NACC1: variants seen among roughly 807,000 people sequenced by gnomAD.
NACC1 encodes nucleus accumbens-associated protein 1.
Under a neutral mutation model 41.7 loss-of-function variants are expected in NACC1, and 6 were observed. The ratio of observed to expected loss-of-function variants is 0.14; its 90% CI spans 0.08 to 0.28. The LOEUF (loss-of-function observed/expected upper bound fraction) is 0.28. Ranked by LOEUF, NACC1 falls within the 10% of genes least tolerant of loss-of-function variation. The probability of loss-of-function intolerance (pLI) is 1.00; values close to 1 mark genes in which losing one functional copy is unlikely to be tolerated. For missense variants in NACC1, 434 were observed against 763.7 expected, an observed-to-expected ratio of 0.57 and a Z score of 5.09; for synonymous variants, 338 against 330.6, an observed-to-expected ratio of 1.02 and a Z score of -0.24.
chr19:13,129,650 A>G (rs575626629), intron 1 of NACC1, among the ~76,000 whole-genome samples: 1 of 152,264 alleles, frequency 6.6e-6, no homozygotes, highest in South Asian at 2.1e-4. Flanking sequence ...CCCGTGCGCT[A>G]ATTGGCTGAG....
In NACC1 at chr19:13,140,831, C is replaced by T. The variant is rs1021267461; in HGVS notation, c.*2425C>T. ...GCCCTGAGCTGCATGGTTCCCCCAC[C>T]CTGGGCAGCCAGGAAGGAATCTGAA... is the stretch of plus-strand genomic sequence containing the variant. On this transcript the variant is annotated 3_prime_UTR_variant, in exon 6 of 6. Transcript: ENST00000292431. This position sits in a 1 kb window ranked among gnomAD's most constrained non-coding sequence, Gnocchi z 4.0. 2 of 152,720 alleles carry T rather than the reference C, an allele frequency of 1.3e-5. No individual in the cohort carries two copies. The highest frequency in any genetic ancestry group is 2.4e-5 in the African/African-American group (1 of 41,418). The allele number at this position is 152,720 out of a possible 1,614,324, so 9.5% of individuals were successfully genotyped here.
At chr19:13,119,035 T>C (rs2019453321) in intron 1 of NACC1, among the ~76,000 whole-genome samples, 1 of 132,560 alleles carries the variant, frequency 7.5e-6, no homozygotes, top group South Asian at 2.4e-4. Flanking sequence ...ATCCCAGAGA[T>C]GTTTTCCGGG....
chr19:13,138,534 C>T lies in NACC1; in HGVS notation c.*128C>T, dbSNP rs1238508967. 1.5e-6 allele frequency: 2 copies of T among 1,361,590 alleles called. No homozygotes were observed. The highest frequency in any genetic ancestry group is 2.0e-6 in the Non-Finnish European group (2 of 1,007,840). 84.3% of individuals were successfully genotyped at this position (1,361,590 alleles called of 1,614,324 possible). A position where few individuals can be genotyped will look rare whatever the true frequency, so the allele number is the denominator to read the frequency against. The stretch of plus-strand genomic sequence containing the variant: ...GTGGGTGCTGCATGTTCCCGGCCCT[C>T]TGCCCCTCCTGTCCTACCCCCTTTC... On this transcript the variant is annotated 3_prime_UTR_variant, in exon 6 of 6. Coordinates refer to ENST00000292431, the MANE Select transcript of NACC1 (RefSeq NM_052876.4). The surrounding 1 kb of genome is among the most constrained non-coding windows in gnomAD (Gnocchi z 5.7).
chr19:13,123,812 G>A (rs1266441035), intron 1 of NACC1, among the ~76,000 whole-genome samples: 1 of 152,212 alleles, frequency 6.6e-6, no homozygotes, highest in African/African-American at 2.4e-5. Context: ...TGATTCGGGA[G>A]CCAGACGGCC....
Position 13,136,722 on chromosome 19 carries a change from CAG to C in NACC1, c.1120+318_1120+319del, listed in dbSNP as rs926808627. Among the ~76,000 whole-genome samples the C allele has an allele frequency of 2.6e-5, 4 of 152,186 alleles. No homozygotes were observed. The highest frequency in any genetic ancestry group is 2.1e-4 in the South Asian group (1 of 4,836). On this transcript the variant is annotated intron_variant, in intron 3 of 5. Coordinates refer to ENST00000292431, the MANE Select transcript of NACC1 (RefSeq NM_052876.4). This position sits in a 1 kb window ranked among gnomAD's most constrained non-coding sequence, Gnocchi z 5.5. ...CCTAGGTTAGGAATTTGGACAGTCA[CAG>C]GGGCGAATGCCTGTAGTCCTAGCTA...
At chr19:13,133,227 C>T (rs1348262282) in intron 1 of NACC1, among the ~76,000 whole-genome samples, 2 of 152,122 alleles carry the variant, frequency 1.3e-5, no homozygotes, top group South Asian at 4.1e-4. Context: ...AGCCTTCTCA[C>T]TCGCACTCTG....
chr19:13,132,458 C>T (rs1319059934), intron 1 of NACC1: 1 of 151,966 alleles, frequency 6.6e-6, no homozygotes, highest in East Asian at 1.9e-4. Flanking sequence ...TTGAGTCATC[C>T]CGCCCTTCAG....
rs2019717565 is a variant in NACC1, at chr19:13,137,134, A to G, written c.1121-137A>G. On this transcript the variant is annotated intron_variant, in intron 3 of 5. Coordinates refer to ENST00000292431, the MANE Select transcript of NACC1 (RefSeq NM_052876.4). This position sits in a 1 kb window ranked among gnomAD's most constrained non-coding sequence, Gnocchi z 6.1. ...CTTGGTGGGTAGAGATGTAGGGGAGAAGGTCCCTGGGTGAGTTTTCTTGGG... is the reference window on the plus strand; with the variant it reads ...CTTGGTGGGTAGAGATGTAGGGGAGGAGGTCCCTGGGTGAGTTTTCTTGGG... 7 of 748,988 alleles carry G rather than the reference A, an allele frequency of 9.3e-6. No individual in the cohort carries two copies. Among genetic ancestry groups the G allele is most frequent in the Non-Finnish European group, 1.6e-5 (7 of 445,748 alleles). 46.4% of individuals were successfully genotyped at this position (748,988 alleles called of 1,614,324 possible). A position where few individuals can be genotyped will look rare whatever the true frequency, so the allele number is the denominator to read the frequency against.
rs375364063 is a variant in NACC1, at chr19:13,137,102, G to C, written c.1121-169G>C. Among the ~76,000 whole-genome samples, 25 of 152,328 alleles carry C rather than the reference G, an allele frequency of 1.6e-4. 1 individual carries two copies. In the East Asian group the frequency reaches 4.1e-3, roughly 25 times the overall value. ...GGGGGAGCCCCAAGGAGCCTCCCCTGACTGCCCTTGGTGGGTAGAGATGTA... is the reference window on the plus strand; with the variant it reads ...GGGGGAGCCCCAAGGAGCCTCCCCTCACTGCCCTTGGTGGGTAGAGATGTA... On this transcript the variant is annotated intron_variant, in intron 3 of 5. Transcript: ENST00000292431. This position sits in a 1 kb window ranked among gnomAD's most constrained non-coding sequence, Gnocchi z 6.1.
chr19:13,117,733 T>C (rs2019410009), upstream of NACC1, among the ~76,000 whole-genome samples: 1 of 152,092 alleles, frequency 6.6e-6, no homozygotes, highest in Non-Finnish European at 1.5e-5. Context: ...TTTGTATTTT[T>C]AGTAGAGACA....
At position 13,138,508 on chromosome 19, in the gene NACC1, G is replaced by A. The variant is rs1242634318; in HGVS notation, c.*102G>A. 2.2e-5 allele frequency: 32 copies of A among 1,488,258 alleles called. No individual in the cohort carries two copies. The highest frequency in any genetic ancestry group is 5.5e-5 in the African/African-American group (4 of 72,994). The allele number at this position is 1,488,258 out of a possible 1,614,324, so 92.2% of individuals were successfully genotyped here. On this transcript the variant is annotated 3_prime_UTR_variant, in exon 6 of 6. Transcript: ENST00000292431. The surrounding 1 kb of genome is among the most constrained non-coding windows in gnomAD (Gnocchi z 5.7). ...CTGTCTGTCCCTCCCCAGGACCCGC[G>A]GTGGGTGCTGCATGTTCCCGGCCCT...
chr19:13,134,616 G>T (rs1599996893), intron 1 of NACC1, among the ~76,000 whole-genome samples: 2 of 152,180 alleles, frequency 1.3e-5, no homozygotes, highest in African/African-American at 2.4e-5. Context: ...TGATCCGCCT[G>T]CCTCAGCCTC....
At chr19:13,123,630 A>G (rs1331340622) in intron 1 of NACC1, among the ~76,000 whole-genome samples, 1 of 152,184 alleles carries the variant, frequency 6.6e-6, no homozygotes, top group Non-Finnish European at 1.5e-5. Context: ...AGGTCCTCAG[A>G]CAGGCAGAAG....
chr19:13,138,135 C>A lies in NACC1; in HGVS notation c.1325-12C>A. On this transcript the variant is annotated splice_polypyrimidine_tract_variant and intron_variant, in intron 5 of 5. Transcript: ENST00000292431. The surrounding 1 kb of genome is among the most constrained non-coding windows in gnomAD (Gnocchi z 5.7). The stretch of plus-strand genomic sequence containing the variant: ...GCCCCCGTGCCAAGGCCGCACCCAC[C>A]CTGCCCCACAGACTACTGCCAGAAC... 1.2e-6 allele frequency: 2 copies of A among 1,611,550 alleles called. No individual in the cohort carries two copies. Among genetic ancestry groups the A allele is most frequent in the South Asian group, 2.2e-5 (2 of 91,022 alleles).
chr19:13,126,377 T>C (rs1341404642), intron 1 of NACC1, among the ~76,000 whole-genome samples: 1 of 152,106 alleles, frequency 6.6e-6, no homozygotes, highest in Non-Finnish European at 1.5e-5. Context: ...ACCACTACAT[T>C]GGAGATAGGC....
intron 1 of NACC1, chr19:13,132,511 A>G (rs1344575155): frequency 1.3e-5 from 2 of 151,612 alleles, no homozygotes; most frequent in South Asian, 2.1e-4. Context: ...GAATTTTTAG[A>G]TGACCTCAGG....
intron 1 of NACC1, among the ~76,000 whole-genome samples, chr19:13,125,304 A>G (rs566842996): frequency 4.6e-5 from 7 of 152,284 alleles, no homozygotes; most frequent in Admixed American, 2.6e-4. Flanking sequence ...CCTTTTAGGT[A>G]TCTGCACAGG....
At position 13,136,198 on chromosome 19, in the gene NACC1, C is replaced by T. The variant is rs1461324268; in HGVS notation, c.947-34C>T. On this transcript the variant is annotated intron_variant, in intron 2 of 5. Transcript: ENST00000292431. The surrounding 1 kb of genome is among the most constrained non-coding windows in gnomAD (Gnocchi z 5.5). The stretch of plus-strand genomic sequence containing the variant: ...CCCATCCCACCAGCCACCCCTGCTC[C>T]TCCTGCCACTCGCGTGCCACTCTCT... 6.9e-6 allele frequency: 11 copies of T among 1,604,014 alleles called. No individual in the cohort carries two copies. The highest frequency in any genetic ancestry group is 9.4e-6 in the Non-Finnish European group (11 of 1,174,220).
At chr19:13,122,877 A>G (rs918743608) in intron 1 of NACC1, among the ~76,000 whole-genome samples, 2 of 152,200 alleles carry the variant, frequency 1.3e-5, no homozygotes, top group African/African-American at 4.8e-5. Flanking sequence ...AGCAGCTGGC[A>G]TTCATGAGCA....
Sources: allele counts gnomAD v4.1 joint callset (sites outside exome capture counted in the v4.1 genomes callset), GRCh38; gene constraint gnomAD v4.1.1; non-coding constraint Gnocchi (gnomAD v3.1); transcripts MANE v1.5; gene names NCBI Gene and HGNC (gene_info 2026-07-23, HGNC 2026-07-21).